Variants in ANK1 observed in about 807,000 individuals in gnomAD.
The protein encoded by ANK1 is ankyrin 1.
Under a neutral mutation model 210.4 loss-of-function variants are expected in ANK1, and 51 were observed. That is an observed-to-expected ratio of 0.24 (90% CI 0.19 to 0.31). The LOEUF is 0.31. Ranked by LOEUF, ANK1 falls within the 10% of genes least tolerant of loss-of-function variation. ANK1 has a pLI of 1.00. For missense variants in ANK1, 2,051 were observed against 2,504.4 expected, an observed-to-expected ratio of 0.82 and a Z score of 3.86; for synonymous variants, 967 against 1,025.9, an observed-to-expected ratio of 0.94 and a Z score of 1.10.
At chr8:41,776,931 T>C (rs1408476939) in intron 1 of ANK1, among the ~76,000 whole-genome samples, 3 of 152,196 alleles carry the variant, frequency 2.0e-5, no homozygotes, top group Non-Finnish European at 4.4e-5. Context: ...CAAGAGCAGG[T>C]GTCACACATA....
At chr8:41,677,918 C>T (rs1192912976) in intron 37 of ANK1, among the ~76,000 whole-genome samples, 1 of 152,106 alleles carries the variant, frequency 6.6e-6, no homozygotes, top group Non-Finnish European at 1.5e-5. Flanking sequence ...AATAAGAAAT[C>T]TGATGTGAAT....
chr8:41,793,832 G>A (rs578057256), intron 1 of ANK1, among the ~76,000 whole-genome samples: 5 of 152,086 alleles, frequency 3.3e-5, no homozygotes, highest in Non-Finnish European at 7.4e-5. Context: ...TATAACCAGT[G>A]GTAAATTATT....
chr8:41,695,896 C>T (rs1820770585), intron 26 of ANK1, among the ~76,000 whole-genome samples: 2 of 152,220 alleles, frequency 1.3e-5, no homozygotes, highest in African/African-American at 4.8e-5. Flanking sequence ...GGGAGTGGAG[C>T]ACAGGCCTCT....
chr8:41,757,569 C>A (rs1839444932), intron 2 of ANK1, among the ~76,000 whole-genome samples: 1 of 152,210 alleles, frequency 6.6e-6, no homozygotes, highest in African/African-American at 2.4e-5. Flanking sequence ...CCCCACCATC[C>A]TCAACCCGAG....
At chr8:41,748,404 G>C (rs2150696709) in intron 2 of ANK1, among the ~76,000 whole-genome samples, 1 of 152,302 alleles carries the variant, frequency 6.6e-6, no homozygotes, top group Non-Finnish European at 1.5e-5. Context: ...ACAGAGAAAA[G>C]TGCCAGGTTC....
At chr8:41,775,060 T>C (rs1447118554) in intron 1 of ANK1, among the ~76,000 whole-genome samples, 1 of 137,888 alleles carries the variant, frequency 7.3e-6, no homozygotes, top group East Asian at 2.0e-4. Context: ...TAGGGACTCT[T>C]CTTTTTTTTT....
Position 41,797,114 on chromosome 8 carries a change from C to G in ANK1, c.27+398G>C, listed in dbSNP as rs924699788. ...AGCCCCCTAGCCGGGTGGCCCACCCCGCAGCCTGTAATAACACACCTACAA... is the reference window on the plus strand; with the variant it reads ...AGCCCCCTAGCCGGGTGGCCCACCCGGCAGCCTGTAATAACACACCTACAA... On this transcript the variant is annotated intron_variant, in intron 1 of 42. Transcript: ENST00000289734. The surrounding 1 kb of genome is among the most constrained non-coding windows in gnomAD (Gnocchi z 4.0). 6.6e-6 allele frequency among the ~76,000 whole-genome samples: 1 copy of G among 152,166 alleles called. No individual in the cohort carries two copies. The highest frequency in any genetic ancestry group is 1.5e-5 in the Non-Finnish European group (1 of 68,030).
At chr8:41,679,609 C>T (rs927147985) in intron 37 of ANK1, among the ~76,000 whole-genome samples, 5 of 128,186 alleles carry the variant, frequency 3.9e-5, no homozygotes, top group East Asian at 2.5e-4. Context: ...GTGGCCCAGG[C>T]GGGAGTGCAG....
intron 31 of ANK1, among the ~76,000 whole-genome samples, chr8:41,691,333 G>A (rs1185795503): frequency 6.6e-6 from 1 of 152,226 alleles, no homozygotes; most frequent in African/African-American, 2.4e-5. Context: ...TGTTATGGGT[G>A]AGCTTTCAAC....
chr8:41,707,906 T>G (rs188692594), intron 17 of ANK1, among the ~76,000 whole-genome samples: 27 of 152,338 alleles, frequency 1.8e-4, no homozygotes, highest in Admixed American at 1.6e-3. Context: ...TATGTGAATT[T>G]ATCATCAAAG....
chr8:41,762,155 C>T (rs1840635359), intron 1 of ANK1, among the ~76,000 whole-genome samples: 1 of 152,222 alleles, frequency 6.6e-6, no homozygotes, highest in Non-Finnish European at 1.5e-5. Context: ...TTCTCACCTC[C>T]CTTGTCCTCT....
At chr8:41,760,462 G>A (rs1220869984) in intron 1 of ANK1, among the ~76,000 whole-genome samples, 1 of 152,204 alleles carries the variant, frequency 6.6e-6, no homozygotes, top group African/African-American at 2.4e-5. Flanking sequence ...ACGTTGGACT[G>A]TGAGTCCATT....
intron 14 of ANK1, 139 bp from the exon 15 acceptor site, chr8:41,715,213 C>A: frequency 1.3e-6 from 1 of 778,142 alleles, no homozygotes; most frequent in Non-Finnish European, 2.1e-6. Flanking sequence ...TTTGAGCCCT[C>A]TGGGAGGCCG....
At chr8:41,676,443 A>T (rs963079167) in intron 37 of ANK1, among the ~76,000 whole-genome samples, 1 of 152,118 alleles carries the variant, frequency 6.6e-6, no homozygotes. Flanking sequence ...TTGTTTTCTT[A>T]TTATTAAGTT....
chr8:41,698,011 T>C lies in ANK1; in HGVS notation c.2637+32A>G, dbSNP rs996847331. On this transcript the variant is annotated intron_variant, in intron 24 of 42. Transcript: ENST00000289734. ...TGTCCCAGGGTTTTCATGCCCTCCA[T>C]GTGGGGAAACCACAGAGAAGGAGCT... is the stretch of plus-strand genomic sequence containing the variant. The C allele has an allele frequency of 4.3e-6, 7 of 1,610,796 alleles. No homozygotes were observed. In the African/African-American group the frequency reaches 6.7e-5, roughly 15 times the overall value.
intron 2 of ANK1, among the ~76,000 whole-genome samples, chr8:41,754,794 C>T (rs1026832165): frequency 6.6e-6 from 1 of 152,224 alleles, no homozygotes; most frequent in Admixed American, 6.5e-5. Flanking sequence ...ACCACCAGGA[C>T]TCTCCCTGCA....
Position 41,704,230 on chromosome 8 carries a change from G to T in ANK1, c.2197-91C>A. ...ATAGTGCCTGCCCATCTTCGAAGTG[G>T]GACATTAATGAAATGCATTTTCCCC... On this transcript the variant is annotated intron_variant, in intron 19 of 42. Transcript: ENST00000289734. This position sits in a 1 kb window ranked among gnomAD's most constrained non-coding sequence, Gnocchi z 4.1. 1 of 1,376,496 alleles carries T rather than the reference G, an allele frequency of 7.3e-7. No individual in the cohort carries two copies. The highest frequency in any genetic ancestry group is 1.0e-6 in the Non-Finnish European group (1 of 966,626). The allele number at this position is 1,376,496 out of a possible 1,614,324, so 85.3% of individuals were successfully genotyped here.
chr8:41,770,283 T>C (rs535626802), intron 1 of ANK1, among the ~76,000 whole-genome samples: 2 of 152,332 alleles, frequency 1.3e-5, no homozygotes, highest in East Asian at 3.9e-4. Context: ...GCGCCCAGCT[T>C]ATATATCTTC....
intron 1 of ANK1, among the ~76,000 whole-genome samples, chr8:41,886,244 G>T (rs1818422875): frequency 6.6e-6 from 1 of 152,208 alleles, no homozygotes; most frequent in South Asian, 2.1e-4. Context: ...GATATGGGTG[G>T]GAGCTGAGGC....
Sources: allele counts gnomAD v4.1 joint callset (sites outside exome capture counted in the v4.1 genomes callset), GRCh38; gene constraint gnomAD v4.1.1; non-coding constraint Gnocchi (gnomAD v3.1); transcripts MANE v1.5; gene names NCBI Gene and HGNC (gene_info 2026-07-23, HGNC 2026-07-21).